KHDRBS2: variants seen among roughly 807,000 people sequenced by gnomAD.
KHDRBS2 encodes the protein KH domain-containing, RNA-binding, signal transduction-associated protein 2.
KHDRBS2 carries 26 observed loss-of-function variants against 44.3 expected under a neutral mutation model. The ratio of observed to expected loss-of-function variants is 0.59; its 90% CI spans 0.43 to 0.81. The LOEUF (loss-of-function observed/expected upper bound fraction) is 0.81. Ranked by LOEUF, KHDRBS2 falls within the 40% of genes least tolerant of loss-of-function variation. KHDRBS2 has a pLI of 0.00. For synonymous variants in KHDRBS2, 194 were observed against 151.1 expected (o/e 1.28, Z -2.08); for missense variants, 476 against 433.1 (o/e 1.10, Z -0.88).
chr6:62,099,429 T>G (rs201777746), intron 2 of KHDRBS2, among the ~76,000 whole-genome samples: 1 of 152,172 alleles, frequency 6.6e-6, no homozygotes, highest in East Asian at 1.9e-4. Flanking sequence ...GGAGGTGTCC[T>G]AAGCCTAGGT....
intron 6 of KHDRBS2, among the ~76,000 whole-genome samples, chr6:61,857,625 A>T (rs992956557): frequency 3.3e-5 from 5 of 152,034 alleles, no homozygotes; most frequent in African/African-American, 9.7e-5. Flanking sequence ...AAGCCATGTT[A>T]GCAACATACG....
chr6:62,123,599 A>G (rs950257332), intron 2 of KHDRBS2, among the ~76,000 whole-genome samples: 1 of 152,218 alleles, frequency 6.6e-6, no homozygotes, highest in African/African-American at 2.4e-5. Flanking sequence ...TCTTAGATAT[A>G]TTGAGATGCA....
At chr6:62,141,305 A>G (rs939096649) in intron 2 of KHDRBS2, among the ~76,000 whole-genome samples, 5 of 152,182 alleles carry the variant, frequency 3.3e-5, no homozygotes, top group African/African-American at 1.2e-4. Flanking sequence ...TATATTGACT[A>G]AAGAGTAAAC....
intron 2 of KHDRBS2, among the ~76,000 whole-genome samples, chr6:62,106,548 T>A (rs1283954231): frequency 1.3e-5 from 2 of 152,110 alleles, no homozygotes; most frequent in Non-Finnish European, 2.9e-5. Context: ...AACTGGTACC[T>A]TTCCTTCTGA....
chr6:62,239,353 A>G (rs1479283590), intron 1 of KHDRBS2, among the ~76,000 whole-genome samples: 1 of 152,238 alleles, frequency 6.6e-6, no homozygotes, highest in African/African-American at 2.4e-5. Flanking sequence ...AGGGTGGATC[A>G]TTTGAGGTCA....
the KHDRBS2 span, among the ~76,000 whole-genome samples, chr6:61,605,689 T>C: frequency 6.6e-6 from 1 of 152,152 alleles, no homozygotes; most frequent in Admixed American, 6.5e-5. Context: ...GTTCCCACAC[T>C]GCCCCAATCC....
intron 6 of KHDRBS2, among the ~76,000 whole-genome samples, chr6:61,833,220 C>A (rs1340069160): frequency 6.6e-6 from 1 of 152,234 alleles, no homozygotes. Flanking sequence ...CTATTATTGG[C>A]ATTGGTATGA....
At chr6:61,870,960 A>T (rs950344404) in intron 6 of KHDRBS2, among the ~76,000 whole-genome samples, 1 of 152,194 alleles carries the variant, frequency 6.6e-6, no homozygotes, top group African/African-American at 2.4e-5. Context: ...CCTCCAAAGG[A>T]TCACAACTTC....
At chr6:61,862,630 T>C (rs547378313) in intron 6 of KHDRBS2, among the ~76,000 whole-genome samples, 1 of 152,212 alleles carries the variant, frequency 6.6e-6, no homozygotes, top group Admixed American at 6.5e-5. Context: ...TTTATTTATT[T>C]GCATATGCTT....
chr6:62,129,668 C>A (rs1248137185), intron 2 of KHDRBS2, among the ~76,000 whole-genome samples: 1 of 152,014 alleles, frequency 6.6e-6, no homozygotes, highest in African/African-American at 2.4e-5. Context: ...ATGGCCACTA[C>A]TCAAGAGACT....
At chr6:61,912,295 A>C (rs1806194250) in intron 4 of KHDRBS2, among the ~76,000 whole-genome samples, 2 of 152,166 alleles carry the variant, frequency 1.3e-5, no homozygotes, top group South Asian at 4.1e-4. Context: ...AAAAAGATAA[A>C]TTAGAATTAC....
intron 2 of KHDRBS2, among the ~76,000 whole-genome samples, chr6:62,171,572 A>T (rs1820011521): frequency 6.6e-6 from 1 of 152,142 alleles, no homozygotes; most frequent in Admixed American, 6.6e-5. Flanking sequence ...AAATTCAGGA[A>T]ATGCAGAGAA....
chr6:61,850,277 A>G (rs1440923152), intron 6 of KHDRBS2, among the ~76,000 whole-genome samples: 1 of 152,090 alleles, frequency 6.6e-6, no homozygotes, highest in Non-Finnish European at 1.5e-5. Context: ...GACTTTTAAT[A>G]TATCTCAGCT....
At chr6:61,602,147 T>C in the KHDRBS2 span, among the ~76,000 whole-genome samples, 31 of 152,202 alleles carry the variant, frequency 2.0e-4, no homozygotes, top group African/African-American at 6.7e-4. Flanking sequence ...GCTCCAAAAA[T>C]TAAATTCTGG....
chr6:61,677,632 A>G (rs1051342488), downstream of KHDRBS2, among the ~76,000 whole-genome samples: 2 of 151,948 alleles, frequency 1.3e-5, no homozygotes, highest in Non-Finnish European at 2.9e-5. Flanking sequence ...AACCTGTAAT[A>G]GCTTCTTCTT....
intron 5 of KHDRBS2, among the ~76,000 whole-genome samples, chr6:61,899,360 C>T (rs1288397285): frequency 4.6e-5 from 7 of 151,812 alleles, no homozygotes; most frequent in East Asian, 3.8e-4. Context: ...CATTTCCTTT[C>T]GTTAATGCTA....
chr6:62,122,591 C>T (rs9445962), intron 2 of KHDRBS2, among the ~76,000 whole-genome samples: 1,886 of 152,260 alleles, frequency 0.012, 36 homozygotes, highest in African/African-American at 0.043. Flanking sequence ...TTTTTCCCCT[C>T]CAGCCTGCAC....
intron 2 of KHDRBS2, among the ~76,000 whole-genome samples, chr6:62,106,748 T>A (rs1037661719): frequency 3.0e-4 from 45 of 152,096 alleles, no homozygotes; most frequent in Non-Finnish European, 8.8e-5. Context: ...TCCACCATGG[T>A]CAAGTGGGCT....
At chr6:61,684,008 C>T (rs2127538931) in intron 8 of KHDRBS2, among the ~76,000 whole-genome samples, 1 of 151,974 alleles carries the variant, frequency 6.6e-6, no homozygotes, top group South Asian at 2.1e-4. Context: ...TTTACATGTT[C>T]TTGGTAACAA....
Sources: allele counts gnomAD v4.1 joint callset (sites outside exome capture counted in the v4.1 genomes callset), GRCh38; gene constraint gnomAD v4.1.1; transcripts MANE v1.5; gene names NCBI Gene and HGNC (gene_info 2026-07-23, HGNC 2026-07-21).